The following ROBO2 variants were observed in gnomAD, a reference collection of about 807,000 sequenced individuals.
ROBO2 encodes roundabout homolog 2.
ROBO2 carries 53 observed loss-of-function variants against 160.8 expected under a neutral mutation model. That is an observed-to-expected ratio of 0.33 (90% CI 0.26 to 0.41). The LOEUF (loss-of-function observed/expected upper bound fraction) is 0.41, where lower values mean the gene tolerates loss of function less well. ROBO2 is among the 10% of genes least tolerant of loss of function. The probability of loss-of-function intolerance (pLI) is 1.00; values close to 1 mark genes in which losing one functional copy is unlikely to be tolerated. For missense variants in ROBO2, 1,577 were observed against 1,722.4 expected (o/e 0.92, Z 1.49); for synonymous variants, 664 against 611.7 (o/e 1.09, Z -1.26).
chr3:77,277,230 GTCTTTCTT>G (rs55905700), intron 2 of ROBO2, among the ~76,000 whole-genome samples: 3 of 96,796 alleles, frequency 3.1e-5, no homozygotes, highest in African/African-American at 9.4e-5. Context: ...TTTCTTTCTT[GTCTTTCTT>G]TCTTTCTTTC....
At chr3:76,674,964 T>G (rs2106762121) in intron 2 of ROBO2, among the ~76,000 whole-genome samples, 1 of 152,150 alleles carries the variant, frequency 6.6e-6, no homozygotes, top group South Asian at 2.1e-4. Flanking sequence ...AAAAGAAACC[T>G]TTGTGTTGTT....
At chr3:76,432,609 C>T (rs559112768) in intron 2 of ROBO2, among the ~76,000 whole-genome samples, 4 of 152,252 alleles carry the variant, frequency 2.6e-5, no homozygotes, top group South Asian at 2.1e-4. Context: ...CTATGTGAAC[C>T]TCTCACGACA....
chr3:77,274,000 C>T (rs1293308147), intron 2 of ROBO2, among the ~76,000 whole-genome samples: 3 of 151,274 alleles, frequency 2.0e-5, no homozygotes, highest in Admixed American at 1.3e-4. Context: ...TTTTTTTTCC[C>T]ATAAGTTAAA....
chr3:77,040,638 T>A, exon 1 of ROBO2: 1 of 1,528,172 alleles, frequency 6.5e-7, no homozygotes, highest in Non-Finnish European at 8.7e-7. Flanking sequence ...CAACCCCTTC[T>A]GATCTTGCGA....
At chr3:76,365,586 A>G (rs1387683450) in intron 2 of ROBO2, among the ~76,000 whole-genome samples, 2 of 152,086 alleles carry the variant, frequency 1.3e-5, no homozygotes, top group Non-Finnish European at 2.9e-5. Flanking sequence ...ATGCTAATGG[A>G]AGATCACCCA....
intron 2 of ROBO2, among the ~76,000 whole-genome samples, chr3:77,398,968 T>A (rs548978534): frequency 1.3e-5 from 2 of 152,272 alleles, no homozygotes; most frequent in African/African-American, 4.8e-5. Context: ...TTTTTCCTTC[T>A]AAAAGTGATA....
At chr3:77,558,183 T>A (rs760504224) in intron 9 of ROBO2, 34 bp downstream of exon 10, 1 of 1,555,724 alleles carries the variant, frequency 6.4e-7, no homozygotes, top group South Asian at 1.1e-5. Context: ...TGAATTATCA[T>A]CTACACATAA....
At chr3:77,639,412 A>G (rs2095315206) in intron 24 of ROBO2, among the ~76,000 whole-genome samples, 1 of 152,184 alleles carries the variant, frequency 6.6e-6, no homozygotes, top group Admixed American at 6.5e-5. Context: ...AACAAAGGGA[A>G]GGGAGTTGAG....
At chr3:75,973,919 A>T (rs1156774666) in intron 2 of ROBO2, among the ~76,000 whole-genome samples, 1 of 151,656 alleles carries the variant, frequency 6.6e-6, no homozygotes, top group Non-Finnish European at 1.5e-5. Flanking sequence ...AGAAGCCAGT[A>T]AAGATGGTGG....
intron 2 of ROBO2, among the ~76,000 whole-genome samples, chr3:76,645,968 T>G (rs1053587047): frequency 6.6e-6 from 1 of 152,134 alleles, no homozygotes; most frequent in Non-Finnish European, 1.5e-5. Context: ...TTAAGTGGTT[T>G]GATTTGAAGA....
intron 2 of ROBO2, among the ~76,000 whole-genome samples, chr3:76,755,364 C>T (rs898040654): frequency 6.6e-6 from 1 of 151,810 alleles, no homozygotes; most frequent in African/African-American, 2.4e-5. Flanking sequence ...TAAGAGACAT[C>T]TACCCCAGAG....
chr3:76,714,558 A>T (rs568096534), intron 2 of ROBO2, among the ~76,000 whole-genome samples: 1 of 152,152 alleles, frequency 6.6e-6, no homozygotes, highest in East Asian at 1.9e-4. Flanking sequence ...ATATCCAGCT[A>T]TGCTTCCCTT....
chr3:77,057,772 TGTTGACCA>T (rs1429899460), intron 1 of ROBO2, among the ~76,000 whole-genome samples: 1 of 151,962 alleles, frequency 6.6e-6, no homozygotes, highest in Non-Finnish European at 1.5e-5. Flanking sequence ...GGTTTTACCA[TGTTGACCA>T]GGATGGTCTC....
At chr3:77,512,738 G>C (rs913743994) in intron 5 of ROBO2, among the ~76,000 whole-genome samples, 35 of 151,946 alleles carry the variant, frequency 2.3e-4, no homozygotes, top group Admixed American at 1.8e-3. Context: ...GAAAGAGTCT[G>C]AAAGGTATAG....
intron 2 of ROBO2, among the ~76,000 whole-genome samples, chr3:76,511,827 G>A (rs1444228769): frequency 6.6e-6 from 1 of 152,090 alleles, no homozygotes; most frequent in Admixed American, 6.5e-5. Flanking sequence ...AGATACCTTC[G>A]GAGCCCATCA....
intron 22 of ROBO2, 172 bp downstream of exon 23, chr3:77,617,945 G>C: frequency 1.4e-6 from 1 of 727,372 alleles, no homozygotes; most frequent in South Asian, 1.9e-5. Flanking sequence ...TAAATAATTT[G>C]GCCAAAACTA....
intron 2 of ROBO2, among the ~76,000 whole-genome samples, chr3:76,601,500 G>A (rs561175748): frequency 1.9e-4 from 29 of 152,282 alleles, no homozygotes; most frequent in African/African-American, 5.5e-4. Flanking sequence ...CTGTGCACCC[G>A]CAGGCTCAAC....
intron 22 of ROBO2, among the ~76,000 whole-genome samples, chr3:77,621,674 G>A (rs960940048): frequency 2.6e-5 from 4 of 152,110 alleles, no homozygotes; most frequent in Non-Finnish European, 5.9e-5. Context: ...CCTAAACTGG[G>A]TTATAGTGAA....
chr3:76,985,575 G>GA (rs532632866), intron 2 of ROBO2, among the ~76,000 whole-genome samples: 837 of 26,366 alleles, frequency 0.032, 130 homozygotes, highest in African/African-American at 0.062. Context: ...GACTCCGTCT[G>GA]AAAAAAAAAA....
Sources: allele counts gnomAD v4.1 joint callset (sites outside exome capture counted in the v4.1 genomes callset), GRCh38; gene constraint gnomAD v4.1.1; transcripts MANE v1.5; gene names NCBI Gene and HGNC (gene_info 2026-07-23, HGNC 2026-07-21).